DPY19L2: variants seen among roughly 807,000 people sequenced by gnomAD.
The protein encoded by DPY19L2 is probable C-mannosyltransferase DPY19L2.
DPY19L2 carries 34 observed loss-of-function variants against 97.9 expected under a neutral mutation model. That is an observed-to-expected ratio of 0.35 (90% CI 0.26 to 0.46). The LOEUF (loss-of-function observed/expected upper bound fraction) is 0.46, where lower values mean the gene tolerates loss of function less well. Ranked by LOEUF, DPY19L2 falls within the 20% of genes least tolerant of loss-of-function variation. The pLI, the probability that DPY19L2 is intolerant of heterozygous loss-of-function variation, is 1.00. For missense variants in DPY19L2, 623 were observed against 911.4 expected (o/e 0.68, Z 4.07); for synonymous variants, 230 against 307.9 (o/e 0.75, Z 2.65).
intron 16 of DPY19L2, among the ~76,000 whole-genome samples, chr12:63,590,186 A>T (rs923533149): frequency 3.3e-5 from 5 of 152,174 alleles, no homozygotes; most frequent in African/African-American, 1.2e-4. Context: ...TCAAAAAGAA[A>T]CATAGTAAAC....
chr12:63,600,631 T>TTTG (rs1884988220), intron 12 of DPY19L2, among the ~76,000 whole-genome samples: 1 of 117,076 alleles, frequency 8.5e-6, no homozygotes, highest in Non-Finnish European at 1.8e-5. Flanking sequence ...TTTTTTTTTT[T>TTTG]GTCTTAAGGA....
intron 4 of DPY19L2, among the ~76,000 whole-genome samples, chr12:63,659,725 G>A (rs1027706417): frequency 3.9e-5 from 6 of 152,052 alleles, no homozygotes; most frequent in African/African-American, 1.4e-4. Flanking sequence ...GGAAAAGACA[G>A]TTACCACAAT....
At chr12:63,637,214 A>G (rs1891876842) in intron 6 of DPY19L2, among the ~76,000 whole-genome samples, 3 of 152,322 alleles carry the variant, frequency 2.0e-5, no homozygotes, top group African/African-American at 7.2e-5. Context: ...GAAAGCAGAA[A>G]TAAAGATGTT....
intron 4 of DPY19L2, among the ~76,000 whole-genome samples, chr12:63,650,972 C>A (rs1592731270): frequency 1.3e-5 from 2 of 152,062 alleles, no homozygotes. Context: ...AAGGACAAAG[C>A]CAGAGACATC....
intron 11 of DPY19L2, 105 bp from the exon 12 acceptor site, chr12:63,608,780 A>G: frequency 2.7e-6 from 2 of 727,692 alleles, no homozygotes; most frequent in Non-Finnish European, 4.4e-6. Context: ...GTTCCATCTC[A>G]GCTATCACCA....
intron 18 of DPY19L2, among the ~76,000 whole-genome samples, 193 bp downstream of exon 18, chr12:63,582,213 C>T (rs1592430289): frequency 6.6e-6 from 1 of 152,060 alleles, no homozygotes; most frequent in African/African-American, 2.4e-5. Context: ...TCCAGAAATA[C>T]TTTTCAAAGC....
chr12:63,632,663 G>C (rs936065059), intron 6 of DPY19L2, among the ~76,000 whole-genome samples: 82 of 152,026 alleles, frequency 5.4e-4, no homozygotes, highest in African/African-American at 1.3e-3. Flanking sequence ...AGATTCAATG[G>C]AATCCCCATC....
intron 16 of DPY19L2, among the ~76,000 whole-genome samples, chr12:63,590,847 C>T (rs146970296): frequency 0.013 from 2,040 of 152,208 alleles, 23 homozygotes; most frequent in Non-Finnish European, 0.021. Context: ...CCGGAACCCT[C>T]TGCCCATACA....
intron 19 of DPY19L2, among the ~76,000 whole-genome samples, chr12:63,579,760 G>A (rs1412718283): frequency 6.6e-6 from 1 of 152,014 alleles, no homozygotes; most frequent in Admixed American, 6.6e-5. Context: ...GCAGTTTAAC[G>A]AGGCACTGTC....
At chr12:63,630,008 G>A (rs1890297138) in intron 6 of DPY19L2, among the ~76,000 whole-genome samples, 1 of 152,048 alleles carries the variant, frequency 6.6e-6, no homozygotes, top group Non-Finnish European at 1.5e-5. Context: ...TTACAGACAA[G>A]CAAATGCTGA....
intron 20 of DPY19L2, 45 bp from the exon 21 acceptor site, chr12:63,569,394 A>G: frequency 1.4e-6 from 2 of 1,397,338 alleles, no homozygotes; most frequent in Non-Finnish European, 1.9e-6. Flanking sequence ...AATAAATGAT[A>G]ATAGAATAGA....
chr12:63,662,311 A>G (rs1895780617), intron 3 of DPY19L2, among the ~76,000 whole-genome samples: 1 of 152,132 alleles, frequency 6.6e-6, no homozygotes, highest in African/African-American at 2.4e-5. Context: ...TGCCTCATCC[A>G]ACACGAGTAA....
At chr12:63,627,147 A>C (rs1332739279) in intron 6 of DPY19L2, among the ~76,000 whole-genome samples, 1 of 152,176 alleles carries the variant, frequency 6.6e-6, no homozygotes, top group East Asian at 1.9e-4. Flanking sequence ...TACTCTGAAT[A>C]AAAGCAAATT....
intron 6 of DPY19L2, among the ~76,000 whole-genome samples, chr12:63,631,677 C>A (rs1890692050): frequency 6.6e-6 from 1 of 152,048 alleles, no homozygotes; most frequent in Admixed American, 6.6e-5. Flanking sequence ...CTATTCCAAT[C>A]AATAGAAAAA....
intron 15 of DPY19L2, among the ~76,000 whole-genome samples, chr12:63,594,983 T>C (rs1270146492): frequency 1.3e-5 from 2 of 152,176 alleles, no homozygotes; most frequent in African/African-American, 4.8e-5. Flanking sequence ...CACATTTTAC[T>C]CATTCCTCCT....
chr12:63,620,105 G>C (rs1159053149), intron 9 of DPY19L2: 1 of 353,948 alleles, frequency 2.8e-6, no homozygotes, highest in South Asian at 2.1e-5. Flanking sequence ...ATTATCATCA[G>C]CATTTGTTAT....
intron 6 of DPY19L2, 83 bp downstream of exon 6, chr12:63,644,320 A>G (rs1410285077): frequency 2.0e-6 from 3 of 1,514,776 alleles, no homozygotes; most frequent in Non-Finnish European, 2.6e-6. Flanking sequence ...AATCTCATTA[A>G]TTTTCCTTTT....
intron 6 of DPY19L2, among the ~76,000 whole-genome samples, chr12:63,636,901 C>G (rs1307999243): frequency 6.6e-6 from 1 of 152,032 alleles, no homozygotes; most frequent in East Asian, 1.9e-4. Context: ...ACAAGGATAT[C>G]CAGGAATTGA....
At chr12:63,600,812 G>GTC (rs1885047566) in intron 12 of DPY19L2, among the ~76,000 whole-genome samples, 1 of 90,212 alleles carries the variant, frequency 1.1e-5, no homozygotes. Flanking sequence ...TTGAGAGGGA[G>GTC]TCTCTCTCTG....
Sources: allele counts gnomAD v4.1 joint callset (sites outside exome capture counted in the v4.1 genomes callset), GRCh38; gene constraint gnomAD v4.1.1; transcripts MANE v1.5; gene names NCBI Gene and HGNC (gene_info 2026-07-23, HGNC 2026-07-21).